The following EFCAB8 variants were observed in gnomAD, a reference collection of about 807,000 sequenced individuals.
EFCAB8 encodes the protein EF-hand calcium-binding domain-containing protein 8.
A neutral mutation model predicts 116.3 loss-of-function variants in EFCAB8; 100 were observed. That is an observed-to-expected ratio of 0.86 (90% CI 0.73 to 1.02). The LOEUF (loss-of-function observed/expected upper bound fraction) is 1.02, where lower values mean the gene tolerates loss of function less well. Among genes scored for constraint, EFCAB8 ranks in the 50% least tolerant of loss-of-function variants. EFCAB8 has a pLI of 0.00. For synonymous variants in EFCAB8, 558 were observed against 567.9 expected (o/e 0.98, Z 0.25); for missense variants, 1,320 against 1,416.9 (o/e 0.93, Z 1.10).
chr20:32,908,173 A>T, intron 13 of EFCAB8, 102 bp from the exon 14 acceptor site: 1 of 1,124,120 alleles, frequency 8.9e-7, no homozygotes, highest in Non-Finnish European at 1.1e-6. Flanking sequence ...TGGACGGACG[A>T]TGTGCCCTGG....
chr20:32,933,333 TTTA>T (rs1987977864), intron 22 of EFCAB8, among the ~76,000 whole-genome samples: 1 of 152,210 alleles, frequency 6.6e-6, no homozygotes, highest in Non-Finnish European at 1.5e-5. Context: ...CTTTAAAAAT[TTTA>T]TTGTTTCAAA....
intron 17 of EFCAB8, among the ~76,000 whole-genome samples, chr20:32,915,140 C>G (rs996525865): frequency 6.6e-6 from 1 of 152,158 alleles, no homozygotes; most frequent in Non-Finnish European, 1.5e-5. Context: ...TGGTTTCAAG[C>G]AATCCTCCTG....
rs749932540 is a variant in EFCAB8, at chr20:32,917,505, G to A, written c.2061G>A (p.Arg687=). The A allele has an allele frequency of 5.2e-6, 8 of 1,539,298 alleles. No homozygotes were observed. Among genetic ancestry groups the A allele is most frequent in the Non-Finnish European group, 7.0e-6 (8 of 1,140,000 alleles). The change falls in exon 18 of 27, where the codon AGG becomes AGA. Residue 687 remains arginine (R), a splice_region_variant and synonymous_variant. Coordinates refer to ENST00000400522, the MANE Select transcript of EFCAB8 (RefSeq NM_001143967.2). ...SRSPSPLQPK[R]VQDVNNCLAE... Reference sequence around the variant, plus strand: ...GCCCCTCGCCCTTGCAGCCCAAGAGGGTATGTTAACAGGAGCACACTCTCC... The same window carrying A: ...GCCCCTCGCCCTTGCAGCCCAAGAGAGTATGTTAACAGGAGCACACTCTCC...
rs372385790 is a variant in EFCAB8, at chr20:32,913,319, C to T, written c.1856+455C>T. ...CAGCTGTCTTCTTACTGTAAACTTACATGGTGGAAGGGTTAAGAAATCTCT... is the reference window on the plus strand; with the variant it reads ...CAGCTGTCTTCTTACTGTAAACTTATATGGTGGAAGGGTTAAGAAATCTCT... On this transcript the variant is annotated intron_variant, in intron 17 of 26. Coordinates refer to ENST00000400522, the MANE Select transcript of EFCAB8 (RefSeq NM_001143967.2). Among the ~76,000 whole-genome samples the T allele has an allele frequency of 3.3e-4, 51 of 152,280 alleles. 3 individuals are homozygous for T. In the East Asian group the frequency reaches 8.5e-3, roughly 25 times the overall value.
rs79039358 is a variant in EFCAB8 at position 32,898,035 on chromosome 20, G to A, written c.958-458G>A. Among the ~76,000 whole-genome samples, 1,449 of 152,302 alleles carry A rather than the reference G, an allele frequency of 9.5e-3. 21 individuals are homozygous for A. The highest frequency in any genetic ancestry group is 0.02 in the South Asian group (98 of 4,828). ...GTCATCTTTTGTGGTTCAAGTTGCCGTGAAATGCACATTCTCATGCCCTCC... is the reference window on the plus strand; with the variant it reads ...GTCATCTTTTGTGGTTCAAGTTGCCATGAAATGCACATTCTCATGCCCTCC... On this transcript the variant is annotated intron_variant, in intron 10 of 26. Transcript: ENST00000400522.
chr20:32,894,000 G>A (rs1370468531), intron 9 of EFCAB8, among the ~76,000 whole-genome samples: 2 of 152,174 alleles, frequency 1.3e-5, no homozygotes, highest in Non-Finnish European at 2.9e-5. Context: ...CTTTTGCTGG[G>A]CTGCATCCCA....
chr20:32,863,739 C>A, intron 1 of EFCAB8, 44 bp from the exon 2 acceptor site: 2 of 1,541,200 alleles, frequency 1.3e-6, no homozygotes, highest in Non-Finnish European at 1.8e-6. Context: ...CCACGTGGTC[C>A]TTACAACGAC....
At chr20:32,882,377 A>G (rs1414553263) in intron 5 of EFCAB8, among the ~76,000 whole-genome samples, 1 of 152,204 alleles carries the variant, frequency 6.6e-6, no homozygotes, top group East Asian at 1.9e-4. Flanking sequence ...ACACTGTCCA[A>G]GTGTCGACAG....
At chr20:32,892,361 T>A (rs1985962856) in intron 8 of EFCAB8, 64 bp downstream of exon 8, 2 of 1,489,464 alleles carry the variant, frequency 1.3e-6, no homozygotes. Context: ...AGCAGCCGCA[T>A]CACTGACTAG....
At chr20:32,927,010 C>CTTTG (rs977750318) in intron 20 of EFCAB8, among the ~76,000 whole-genome samples, 1 of 151,988 alleles carries the variant, frequency 6.6e-6, no homozygotes, top group African/African-American at 2.4e-5. Flanking sequence ...ATTTATAGTC[C>CTTTG]TTTGGGTATA....
intron 3 of EFCAB8, among the ~76,000 whole-genome samples, chr20:32,872,298 T>C (rs1420586401): frequency 1.3e-5 from 2 of 152,152 alleles, no homozygotes; most frequent in African/African-American, 4.8e-5. Flanking sequence ...TTCTTCCTTA[T>C]GTAGGTAGTC....
At chr20:32,880,480 G>A (rs1008283624) in intron 5 of EFCAB8, among the ~76,000 whole-genome samples, 1 of 152,014 alleles carries the variant, frequency 6.6e-6, no homozygotes, top group Non-Finnish European at 1.5e-5. Context: ...TGTGTTGGCT[G>A]GGCTGTTTGT....
At chr20:32,935,135 C>T (rs1166841983) in intron 22 of EFCAB8, among the ~76,000 whole-genome samples, 5 of 144,184 alleles carry the variant, frequency 3.5e-5, no homozygotes, top group Non-Finnish European at 7.6e-5. Flanking sequence ...TGAGAAATGT[C>T]TCTTTGGATG....
At chr20:32,902,440 C>CA (rs372251417) in intron 11 of EFCAB8, among the ~76,000 whole-genome samples, 85 of 151,474 alleles carry the variant, frequency 5.6e-4, no homozygotes, top group African/African-American at 1.9e-3. Flanking sequence ...ACCCTGTCTT[C>CA]AAAAAAAACA....
chr20:32,931,141 AG>A (rs1156631967), intron 21 of EFCAB8, 36 bp from the exon 22 acceptor site: 1 of 1,487,156 alleles, frequency 6.7e-7, no homozygotes, highest in Non-Finnish European at 9.0e-7. Context: ...GTCTGGGTCA[AG>A]GGGTGTGAGG....
At chr20:32,883,049 T>C (rs2146198727) in intron 5 of EFCAB8, among the ~76,000 whole-genome samples, 1 of 152,272 alleles carries the variant, frequency 6.6e-6, no homozygotes, top group East Asian at 1.9e-4. Context: ...CAGGCTGATC[T>C]TGAACTCCTG....
intron 22 of EFCAB8, among the ~76,000 whole-genome samples, chr20:32,939,111 TTCTC>T (rs745413936): frequency 3.7e-5 from 5 of 136,978 alleles, no homozygotes; most frequent in East Asian, 4.4e-4. Context: ...CTTCCTTTCT[TTCTC>T]TCTTTCTTTC....
intron 3 of EFCAB8, among the ~76,000 whole-genome samples, chr20:32,869,737 T>C (rs1984597822): frequency 6.6e-6 from 1 of 150,612 alleles, no homozygotes; most frequent in Admixed American, 6.6e-5. Flanking sequence ...GATGACTGTG[T>C]ATGTTTTCAT....
At chr20:32,925,229 T>C (rs1354635297) in intron 20 of EFCAB8, among the ~76,000 whole-genome samples, 1 of 152,120 alleles carries the variant, frequency 6.6e-6, no homozygotes, top group Non-Finnish European at 1.5e-5. Context: ...TACTTATTTA[T>C]TTATTTTTGA....
Sources: gnomAD v4.1 joint callset for allele counts (sites outside exome capture counted in the v4.1 genomes callset) on GRCh38, gnomAD v4.1.1 for gene constraint, MANE v1.5 for transcripts, NCBI Gene and HGNC (gene_info 2026-07-23, HGNC 2026-07-21) for gene names.